COL12A1: variants seen among roughly 807,000 people sequenced by gnomAD.
COL12A1 encodes the protein collagen alpha-1(XII) chain.
COL12A1 carries 114 observed loss-of-function variants against 349.7 expected under a neutral mutation model. The ratio of observed to expected loss-of-function variants is 0.33; its 90% CI spans 0.28 to 0.38. The LOEUF is 0.38. COL12A1 is among the 10% of genes least tolerant of loss of function. The pLI, the probability that COL12A1 is intolerant of heterozygous loss-of-function variation, is 1.00. For synonymous variants in COL12A1, 1,369 were observed against 1,329.0 expected, an observed-to-expected ratio of 1.03 and a Z score of -0.66; for missense variants, 3,284 against 3,756.9, an observed-to-expected ratio of 0.87 and a Z score of 3.29.
chr6:75,099,556 A>G (rs1046323618), intron 58 of COL12A1, among the ~76,000 whole-genome samples: 2 of 152,224 alleles, frequency 1.3e-5, no homozygotes, highest in Non-Finnish European at 2.9e-5. Context: ...ATTGGAGTGA[A>G]GAAGATTTAT....
At chr6:75,189,466 T>C in intron 6 of COL12A1, 85 bp from the exon 7 acceptor site, 1 of 1,570,902 alleles carries the variant, frequency 6.4e-7, no homozygotes, top group Non-Finnish European at 8.6e-7. Flanking sequence ...GTCAAAAATA[T>C]TTAATATGTA....
At chr6:75,120,044 A>C (rs1046521469) in intron 44 of COL12A1, among the ~76,000 whole-genome samples, 3 of 152,190 alleles carry the variant, frequency 2.0e-5, no homozygotes, top group Non-Finnish European at 4.4e-5. Flanking sequence ...TTTTTTTATC[A>C]GTAAAATGAG....
chr6:75,188,409 C>T lies in COL12A1; in HGVS notation c.950G>A (p.Cys317Tyr). The change falls in exon 8 of 66, where the codon TGC (cysteine) becomes TAC (tyrosine). Residue 317 changes from cysteine to tyrosine, a missense_variant. Coordinates refer to ENST00000322507, the MANE Select transcript of COL12A1 (RefSeq NM_004370.6). The stretch of plus-strand genomic sequence containing the variant: ...ACCAAGTTGTTCATCAACACCTGAG[C>T]ACACCTGGGAGATGATCTCATTCTG... ...DIQNEIISQV[C>Y]SGVDEQLGEL... is the part of the protein sequence containing the mutation. 6.2e-7 allele frequency: 1 copy of T among 1,613,540 alleles called. No individual in the cohort carries two copies.
intron 2 of COL12A1, among the ~76,000 whole-genome samples, chr6:75,196,829 G>C (rs1022032231): frequency 6.6e-6 from 1 of 152,224 alleles, no homozygotes; most frequent in Admixed American, 6.5e-5. Context: ...AAAATGACCT[G>C]AAGCAGCGGA....
chr6:75,202,643 T>C (rs1363737098), intron 2 of COL12A1, 77 bp downstream of exon 2: 11 of 1,398,112 alleles, frequency 7.9e-6, no homozygotes, highest in South Asian at 7.5e-5. Context: ...GAGCAAGCAA[T>C]AGAAGCAAGA....
intron 35 of COL12A1, 103 bp downstream of exon 35, chr6:75,131,837 C>T: frequency 1.6e-6 from 2 of 1,257,850 alleles, no homozygotes; most frequent in Non-Finnish European, 1.1e-6. Context: ...AAGTATTATA[C>T]ACTGGCATGT....
In COL12A1 at chr6:75,090,466, G is replaced by A. The variant is rs565145865; in HGVS notation, c.8753-168C>T. Among the ~76,000 whole-genome samples the A allele has an allele frequency of 1.1e-4, 17 of 152,130 alleles. No homozygotes were observed. The highest frequency in any genetic ancestry group is 6.2e-4 in the South Asian group (3 of 4,818). ...ATAAAATTAAGACAGTCTAATCATC[G>A]AGGACAAAATGGTCCCTGATAAATA... On this transcript the variant is annotated intron_variant, in intron 62 of 65. Transcript: ENST00000322507. The surrounding 1 kb of genome is among the most constrained non-coding windows in gnomAD (Gnocchi z 4.1).
chr6:75,125,120 G>A lies in COL12A1; in HGVS notation c.6607+7C>T, dbSNP rs200137806. On this transcript the variant is annotated splice_region_variant and intron_variant, in intron 40 of 65. Transcript: ENST00000322507. Reference sequence around the variant, plus strand: ...TTCTCACAACCATGAAAATATCCATGACTCACATGTAGTGCCTTGATCTGT... The same window carrying A: ...TTCTCACAACCATGAAAATATCCATAACTCACATGTAGTGCCTTGATCTGT... 8 of 1,571,840 alleles carry A rather than the reference G, an allele frequency of 5.1e-6. No homozygotes were observed. The highest frequency in any genetic ancestry group is 1.7e-6 in the Non-Finnish European group (2 of 1,160,278).
chr6:75,092,380 G>C (rs983242476), intron 60 of COL12A1, among the ~76,000 whole-genome samples: 1 of 151,730 alleles, frequency 6.6e-6, no homozygotes, highest in Non-Finnish European at 1.5e-5. Flanking sequence ...AAAGAAACTG[G>C]GTTTTTCTCT....
chr6:75,139,049 T>TATTTATATTATTC, intron 27 of COL12A1, 88 bp from the exon 28 acceptor site: 3 of 1,463,332 alleles, frequency 2.1e-6, no homozygotes, highest in Non-Finnish European at 2.8e-6. Flanking sequence ...TGTTTTATAT[T>TATTTATATTATTC]AATGGACATC....
At chr6:75,093,395 T>A (rs1767862512) in intron 60 of COL12A1, among the ~76,000 whole-genome samples, 1 of 152,194 alleles carries the variant, frequency 6.6e-6, no homozygotes, top group African/African-American at 2.4e-5. Context: ...TAATAGCTAA[T>A]GACATAAGCT....
chr6:75,103,795 T>C lies in COL12A1; in HGVS notation c.8281A>G (p.Lys2761Glu). 1.2e-6 allele frequency: 2 copies of C among 1,613,312 alleles called. No individual in the cohort carries two copies. The highest frequency in any genetic ancestry group is 1.7e-6 in the Non-Finnish European group (2 of 1,179,362). The change falls in exon 55 of 66, where the codon AAA becomes GAA. Residue 2761 changes from lysine (K) to glutamate (E), a missense_variant. Physicochemically the swap from Lys to Glu is moderately conservative, Grantham distance 56. Coordinates refer to ENST00000322507, the MANE Select transcript of COL12A1 (RefSeq NM_004370.6). The part of the protein sequence containing the change: ...PPGPAGGPGA[K>E]GPRGERGISG... ...ATACCTCTTTCACCTCTGGGACCTT[T>C]AGCACCAGGTCCTCCCTAAAATACA...
chr6:75,138,235 T>C, intron 30 of COL12A1, 85 bp downstream of exon 30: 1 of 1,334,346 alleles, frequency 7.5e-7, no homozygotes, highest in Non-Finnish European at 1.0e-6. Flanking sequence ...AGATGACCTA[T>C]TTATTATGTA....
intron 2 of COL12A1, among the ~76,000 whole-genome samples, chr6:75,195,181 A>G (rs1376155780): frequency 2.6e-5 from 4 of 152,214 alleles, no homozygotes; most frequent in Non-Finnish European, 5.9e-5. Context: ...TTGAGTTGCT[A>G]GGTCATTCAA....
intron 52 of COL12A1, 74 bp downstream of exon 52, chr6:75,108,944 C>G: frequency 6.9e-7 from 1 of 1,442,340 alleles, no homozygotes. Flanking sequence ...AAATAAAACT[C>G]AAGGAGTTGT....
intron 10 of COL12A1, among the ~76,000 whole-genome samples, 172 bp downstream of exon 10, chr6:75,182,878 G>A (rs1440749728): frequency 6.6e-6 from 1 of 152,100 alleles, no homozygotes; most frequent in Admixed American, 6.5e-5. Flanking sequence ...CCATATCCAG[G>A]AGAAAGTCAT....
At chr6:75,164,203 T>G (rs1368731054) in intron 14 of COL12A1, among the ~76,000 whole-genome samples, 2 of 152,220 alleles carry the variant, frequency 1.3e-5, no homozygotes, top group Admixed American at 1.3e-4. Flanking sequence ...ATAAAGAAGT[T>G]GATTTTTAAA....
chr6:75,125,106 A>C (rs758814404), intron 40 of COL12A1, 21 bp downstream of exon 40: 15 of 1,561,646 alleles, frequency 9.6e-6, no homozygotes, highest in Non-Finnish European at 1.3e-5. Flanking sequence ...TCTCACAACC[A>C]TGAAAATATC....
chr6:75,137,653 A>G (rs919772997), intron 30 of COL12A1, 74 bp from the exon 31 acceptor site: 3 of 1,485,122 alleles, frequency 2.0e-6, no homozygotes, highest in African/African-American at 2.8e-5. Flanking sequence ...ACAGCTCCCA[A>G]GGCAATCAGA....
Sources: gnomAD v4.1 joint callset for allele counts (sites outside exome capture counted in the v4.1 genomes callset) on GRCh38, gnomAD v4.1.1 for gene constraint, Gnocchi (gnomAD v3.1) non-coding constraint, MANE v1.5 for transcripts, NCBI Gene and HGNC (gene_info 2026-07-23, HGNC 2026-07-21) for gene names.